NTM: variants seen among roughly 807,000 people sequenced by gnomAD.
The protein encoded by NTM is IgLON family member 2.
Under a neutral mutation model 42.1 loss-of-function variants are expected in NTM, and 13 were observed. That is an observed-to-expected ratio of 0.31 (90% CI 0.20 to 0.49). The LOEUF (loss-of-function observed/expected upper bound fraction) is 0.49. NTM is among the 20% of genes least tolerant of loss of function. The pLI is 0.99. For synonymous variants in NTM, 187 were observed against 179.2 expected (o/e 1.04, Z -0.35); for missense variants, 373 against 452.8 (o/e 0.82, Z 1.60).
chr11:131,545,144 G>T (rs2053760697), intron 1 of NTM, among the ~76,000 whole-genome samples: 1 of 152,094 alleles, frequency 6.6e-6, no homozygotes, highest in Admixed American at 6.5e-5. Flanking sequence ...GTTTAAGAAT[G>T]AAAAGAATGT....
chr11:131,767,977 G>A (rs1200090910), intron 1 of NTM, among the ~76,000 whole-genome samples: 2 of 152,132 alleles, frequency 1.3e-5, no homozygotes, highest in Non-Finnish European at 2.9e-5. Context: ...GGCTGGGATG[G>A]AGGAAATTCC....
intron 3 of NTM, among the ~76,000 whole-genome samples, chr11:132,171,398 T>C (rs1670221475): frequency 6.6e-6 from 1 of 152,214 alleles, no homozygotes. Flanking sequence ...GCAGATTTGG[T>C]GTCTGGCGTG....
chr11:132,001,440 G>A (rs1030424627), intron 2 of NTM, among the ~76,000 whole-genome samples: 6 of 152,188 alleles, frequency 3.9e-5, no homozygotes, highest in Non-Finnish European at 8.8e-5. Context: ...GGTTTAATTG[G>A]CTCCTGTTTC....
In NTM at chr11:131,828,639, C is replaced by A. The variant is rs561544762; in HGVS notation, c.83-82925C>A. Among the ~76,000 whole-genome samples, 4 of 152,190 alleles carry A rather than the reference C, an allele frequency of 2.6e-5. No homozygotes were observed. The South Asian group carries it at 8.3e-4, about 32-fold the overall frequency. On this transcript the variant is annotated intron_variant, in intron 1 of 8. Transcript: ENST00000683400. ...ATCATTGCCAACATCACTACCATCA[C>A]TACCACCACCACTGTTACTACTATC... is the stretch of plus-strand genomic sequence containing the variant.
intron 1 of NTM, among the ~76,000 whole-genome samples, chr11:131,487,365 C>T (rs1413932927): frequency 6.6e-6 from 1 of 152,152 alleles, no homozygotes; most frequent in Non-Finnish European, 1.5e-5. Context: ...ATGCCCCAAA[C>T]ATAACCCTGC....
intron 3 of NTM, among the ~76,000 whole-genome samples, chr11:132,164,643 TG>T (rs1318335888): frequency 6.6e-6 from 1 of 151,954 alleles, no homozygotes; most frequent in African/African-American, 2.4e-5. Context: ...CTAAATCTAC[TG>T]TTGCCATGTT....
At chr11:131,622,384 T>A (rs2062666111) in intron 1 of NTM, among the ~76,000 whole-genome samples, 1 of 152,202 alleles carries the variant, frequency 6.6e-6, no homozygotes, top group Non-Finnish European at 1.5e-5. Context: ...GCCATGTCCA[T>A]CCTCGGCTCC....
intron 3 of NTM, among the ~76,000 whole-genome samples, chr11:132,167,012 C>T (rs2075378713): frequency 6.6e-6 from 1 of 152,132 alleles, no homozygotes. Flanking sequence ...CCTGACTTTC[C>T]TCCTCTCACT....
At chr11:131,678,953 A>G (rs1047621167) in intron 1 of NTM, among the ~76,000 whole-genome samples, 1 of 152,230 alleles carries the variant, frequency 6.6e-6, no homozygotes, top group Non-Finnish European at 1.5e-5. Context: ...TTCCTCTGAC[A>G]TCATTTTATC....
chr11:131,516,612 T>G (rs1408074705), intron 1 of NTM, among the ~76,000 whole-genome samples: 2 of 152,156 alleles, frequency 1.3e-5, no homozygotes, highest in Non-Finnish European at 2.9e-5. Flanking sequence ...CCTCAGGTAA[T>G]CCACCCACCT....
At chr11:131,591,710 G>A (rs1205520929) in intron 1 of NTM, among the ~76,000 whole-genome samples, 1 of 152,188 alleles carries the variant, frequency 6.6e-6, no homozygotes, top group Non-Finnish European at 1.5e-5. Flanking sequence ...AAGCTTGAGA[G>A]TGTGGATGGC....
At chr11:132,123,577 G>A (rs1184202763) in intron 2 of NTM, among the ~76,000 whole-genome samples, 1 of 152,164 alleles carries the variant, frequency 6.6e-6, no homozygotes, top group African/African-American at 2.4e-5. Context: ...TGTTTTCGGC[G>A]AGAGCTAGGG....
chr11:131,735,495 C>T (rs1167338127), intron 1 of NTM, among the ~76,000 whole-genome samples: 1 of 152,124 alleles, frequency 6.6e-6, no homozygotes, highest in Admixed American at 6.6e-5. Context: ...TGTGAAAAAC[C>T]AGGGGGATGT....
At chr11:132,178,017 A>G (rs1431647112) in intron 3 of NTM, among the ~76,000 whole-genome samples, 1 of 152,234 alleles carries the variant, frequency 6.6e-6, no homozygotes, top group African/African-American at 2.4e-5. Context: ...TTGATGGAGT[A>G]ATTCAGGAGT....
At chr11:131,483,715 G>A (rs1379046824) in intron 1 of NTM, among the ~76,000 whole-genome samples, 1 of 152,182 alleles carries the variant, frequency 6.6e-6, no homozygotes, top group African/African-American at 2.4e-5. Flanking sequence ...CCTCCGCTGC[G>A]TTTCACCCTG....
intron 1 of NTM, among the ~76,000 whole-genome samples, chr11:131,659,105 A>T (rs1056095956): frequency 3.3e-5 from 5 of 152,206 alleles, no homozygotes; most frequent in African/African-American, 1.2e-4. Context: ...GGTCCAGAGC[A>T]GGGGAAATAT....
chr11:131,724,648 G>A (rs1224791713), intron 1 of NTM, among the ~76,000 whole-genome samples: 3 of 152,128 alleles, frequency 2.0e-5, no homozygotes, highest in South Asian at 2.1e-4. Context: ...TTCAAAACCC[G>A]CAGCCCCTCC....
intron 3 of NTM, among the ~76,000 whole-genome samples, chr11:132,179,532 A>T (rs990916060): frequency 6.6e-6 from 1 of 152,128 alleles, no homozygotes; most frequent in Non-Finnish European, 1.5e-5. Context: ...CTTGCCTTAC[A>T]CCTCCAGTTA....
intron 2 of NTM, among the ~76,000 whole-genome samples, chr11:132,031,799 G>A (rs2135667452): frequency 6.6e-6 from 1 of 152,216 alleles, no homozygotes; most frequent in Non-Finnish European, 1.5e-5. Context: ...CTTGGATGTT[G>A]AAAATAATAT....
Sources: allele counts gnomAD v4.1 joint callset (sites outside exome capture counted in the v4.1 genomes callset), GRCh38; gene constraint gnomAD v4.1.1; transcripts MANE v1.5; gene names NCBI Gene and HGNC (gene_info 2026-07-23, HGNC 2026-07-21).